WDFY4: variants seen among roughly 807,000 people sequenced by gnomAD.
The protein encoded by WDFY4 is WD repeat- and FYVE domain-containing protein 4.
In WDFY4, 169 loss-of-function variants were observed where a neutral mutation model predicts 351.9. That is an observed-to-expected ratio of 0.48 (90% CI 0.42 to 0.55). The LOEUF is 0.55. Ranked by LOEUF, WDFY4 falls within the 20% of genes least tolerant of loss-of-function variation. The pLI is 0.00. For synonymous variants in WDFY4, 1,622 were observed against 1,574.6 expected (o/e 1.03, Z -0.71); for missense variants, 3,803 against 3,935.6 (o/e 0.97, Z 0.90).
intron 39 of WDFY4, among the ~76,000 whole-genome samples, chr10:48,844,144 T>TA (rs2068699644): frequency 6.6e-6 from 1 of 152,202 alleles, no homozygotes; most frequent in Non-Finnish European, 1.5e-5. Context: ...TTTGGTTAAT[T>TA]AAAAAAGTCT....
chr10:48,727,077 A>G (rs559583706), intron 6 of WDFY4, among the ~76,000 whole-genome samples: 42 of 152,140 alleles, frequency 2.8e-4, no homozygotes, highest in African/African-American at 1.0e-3. Context: ...GCCTCCTCAC[A>G]TGTTCATACA....
At chr10:48,742,486 C>T (rs1022367070) in intron 11 of WDFY4, among the ~76,000 whole-genome samples, 6 of 152,198 alleles carry the variant, frequency 3.9e-5, no homozygotes, top group Non-Finnish European at 7.3e-5. Flanking sequence ...AGAGATGGTT[C>T]ATCCCACTCA....
Position 48,789,950 on chromosome 10 carries a change from T to G in WDFY4, c.4031T>G (p.Leu1344Arg), listed in dbSNP as rs2066623080. ...TGTGCTGGCCACCTGTCAGGGTCTCTGCGGACCATTGGAGCTGTTGCTGTG... is the reference window on the plus strand; with the variant it reads ...TGTGCTGGCCACCTGTCAGGGTCTCGGCGGACCATTGGAGCTGTTGCTGTG... ...RNCAGHLSGSLRTIGAVAVGQ... is the reference protein window; with the variant it reads ...RNCAGHLSGSRRTIGAVAVGQ... Residue 1344 changes from leucine (L) to arginine (R), a missense_variant, in exon 22 of 62, where the codon CTG (leucine) becomes CGG (arginine). Coordinates refer to ENST00000325239, the MANE Select transcript of WDFY4 (RefSeq NM_001394531.1). 1 of 1,552,324 alleles carries G rather than the reference T, an allele frequency of 6.4e-7. No homozygotes were observed. Among genetic ancestry groups the G allele is most frequent in the Non-Finnish European group, 8.7e-7 (1 of 1,147,162 alleles).
intron 1 of WDFY4, among the ~76,000 whole-genome samples, chr10:48,691,472 G>A (rs2063194275): frequency 6.6e-6 from 1 of 152,144 alleles, no homozygotes; most frequent in African/African-American, 2.4e-5. Context: ...TCCCCTGCTG[G>A]CCGGCTGGCA....
At chr10:48,779,063 C>A (rs994319298) in intron 18 of WDFY4, among the ~76,000 whole-genome samples, 4 of 152,242 alleles carry the variant, frequency 2.6e-5, no homozygotes, top group Non-Finnish European at 5.9e-5. Context: ...GGCCCCAGCC[C>A]TTGGCACAGC....
intron 47 of WDFY4, among the ~76,000 whole-genome samples, chr10:48,936,891 A>G (rs192142818): frequency 8.3e-4 from 126 of 151,062 alleles, no homozygotes; most frequent in African/African-American, 3.0e-3. Flanking sequence ...AATTTTGGCA[A>G]CTGGCAGTAA....
In WDFY4 at chr10:48,805,366, A is replaced by T. The variant is rs1460124373; in HGVS notation, c.4591A>T (p.Ile1531Phe). ...SLIPSKISTI[I>F]GILACQLRGH... ...CATCCCCTCCAAGATCTCCACCATC[A>T]TTGGCATCCTGGCCTGTCAGCTGAG... The change falls in exon 26 of 62, where the codon ATT (isoleucine) becomes TTT (phenylalanine). Residue 1531 changes from isoleucine to phenylalanine, a missense_variant. Physicochemically the swap from Ile to Phe is conservative, Grantham distance 21. Coordinates refer to ENST00000325239, the MANE Select transcript of WDFY4 (RefSeq NM_001394531.1). 2.6e-6 allele frequency: 4 copies of T among 1,549,566 alleles called. No homozygotes were observed. Among genetic ancestry groups the T allele is most frequent in the Non-Finnish European group, 2.6e-6 (3 of 1,147,020 alleles).
At chr10:48,719,190 C>A (rs2063999973) in intron 2 of WDFY4, among the ~76,000 whole-genome samples, 1 of 152,122 alleles carries the variant, frequency 6.6e-6, no homozygotes, top group South Asian at 2.1e-4. Flanking sequence ...ATATTATGGC[C>A]TATCTAACAT....
Position 48,806,040 on chromosome 10 carries a change from G to A in WDFY4, c.4683G>A (p.Ser1561=), listed in dbSNP as rs550924468. 6.4e-6 allele frequency: 10 copies of A among 1,551,544 alleles called. No individual in the cohort carries two copies. Among genetic ancestry groups the A allele is most frequent in the African/African-American group, 1.4e-5 (1 of 73,016 alleles). The change falls in exon 27 of 62, where the codon TCG becomes TCA. Residue 1561 remains serine, a synonymous_variant. Coordinates refer to ENST00000325239, the MANE Select transcript of WDFY4 (RefSeq NM_001394531.1). ...GLFVVYTLKP[S]SVNERQICMD... ...TTGTTGTGTACACCCTCAAGCCTTC[G>A]TCGGTGAATGAGAGGCAGATCTGCA...
rs750091459 is a variant in WDFY4, at chr10:48,743,409, G to A, written c.2320G>A (p.Ala774Thr). 2.6e-6 allele frequency: 4 copies of A among 1,551,404 alleles called. No individual in the cohort carries two copies. The highest frequency in any genetic ancestry group is 1.2e-5 in the South Asian group (1 of 84,058). ...GATCCTTGGCTTTCTGGACAGCATG[G>A]CCAGCGGCACCCTCCACTTGCGTGG... ...LQILGFLDSM[A>T]SGTLHLRGDL... Residue 774 changes from alanine (A) to threonine (T), a missense_variant, in exon 12 of 62, where the codon GCC becomes ACC. Physicochemically the swap from Ala to Thr is moderately conservative, Grantham distance 58 (BLOSUM62 0). Coordinates refer to ENST00000325239, the MANE Select transcript of WDFY4 (RefSeq NM_001394531.1).
intron 51 of WDFY4, among the ~76,000 whole-genome samples, chr10:48,955,912 G>A (rs1841568052): frequency 1.3e-5 from 2 of 152,160 alleles, no homozygotes; most frequent in African/African-American, 4.8e-5. Context: ...GATGGCAGAA[G>A]GAGGACAAGT....
intron 2 of WDFY4, among the ~76,000 whole-genome samples, chr10:48,716,041 G>A (rs910647278): frequency 6.6e-6 from 1 of 152,086 alleles, no homozygotes; most frequent in Non-Finnish European, 1.5e-5. Context: ...ATCTTGGAGT[G>A]GGACCTGCAA....
chr10:48,925,413 A>G (rs1052973016), intron 47 of WDFY4, among the ~76,000 whole-genome samples: 4 of 152,196 alleles, frequency 2.6e-5, no homozygotes, highest in Admixed American at 2.6e-4. Flanking sequence ...TGAAATCAGC[A>G]CTAACTTTTG....
chr10:48,941,322 A>T (rs1840747963), intron 47 of WDFY4, among the ~76,000 whole-genome samples: 1 of 152,240 alleles, frequency 6.6e-6, no homozygotes, highest in Admixed American at 6.5e-5. Flanking sequence ...AGGCAGGCAT[A>T]TGGGTAAAAC....
At chr10:48,724,384 C>CAG (rs1206805212) in intron 5 of WDFY4, among the ~76,000 whole-genome samples, 2 of 152,126 alleles carry the variant, frequency 1.3e-5, no homozygotes, top group Non-Finnish European at 2.9e-5. Context: ...TCCTCATTTC[C>CAG]AGAGGGTAGT....
chr10:48,981,477 A>G lies in WDFY4; in HGVS notation c.9487A>G (p.Arg3163Gly), dbSNP rs771559599. Residue 3163 changes from arginine (R) to glycine (G), a missense_variant and splice_region_variant, in exon 61 of 62, where the codon AGA (arginine) becomes GGA (glycine). Coordinates refer to ENST00000325239, the MANE Select transcript of WDFY4 (RefSeq NM_001394531.1). Reference protein sequence around the residue: ...SPAVTALAVSRNHTKLLVGDE... With the variant: ...SPAVTALAVSGNHTKLLVGDE... ...CGCAGTGACTGCTCTGGCCGTGTCC[A>G]GGTAAGCGCGGCCTTGTTTCTCTGG... 1.3e-6 allele frequency: 2 copies of G among 1,551,398 alleles called. No homozygotes were observed. Among genetic ancestry groups the G allele is most frequent in the Non-Finnish European group, 1.7e-6 (2 of 1,146,876 alleles).
chr10:48,973,010 C>T (rs537104916), intron 57 of WDFY4, among the ~76,000 whole-genome samples: 5 of 152,266 alleles, frequency 3.3e-5, no homozygotes, highest in African/African-American at 1.2e-4. Flanking sequence ...TGCTGGATGC[C>T]TTGTGGTGCT....
chr10:48,965,678 G>A (rs560129493), intron 54 of WDFY4, among the ~76,000 whole-genome samples: 1 of 147,982 alleles, frequency 6.8e-6, no homozygotes, highest in Admixed American at 6.7e-5. Context: ...ATGACTTGCA[G>A]GAATGTGCTT....
At chr10:48,690,252 G>C (rs2063157778) in intron 1 of WDFY4, among the ~76,000 whole-genome samples, 1 of 152,224 alleles carries the variant, frequency 6.6e-6, no homozygotes, top group South Asian at 2.1e-4. Context: ...TCAGGAGGAT[G>C]CTCCATGGTC....
Sources: gnomAD v4.1 joint callset for allele counts (sites outside exome capture counted in the v4.1 genomes callset) on GRCh38, gnomAD v4.1.1 for gene constraint, MANE v1.5 for transcripts, NCBI Gene and HGNC (gene_info 2026-07-23, HGNC 2026-07-21) for gene names.